C1R: variants seen among roughly 807,000 people sequenced by gnomAD.
The protein encoded by C1R is complement C1r.
A neutral mutation model predicts 27.6 loss-of-function variants in C1R; 15 were observed. The observed-to-expected ratio is 0.54, with a 90% CI of 0.36 to 0.84. The LOEUF (loss-of-function observed/expected upper bound fraction) is 0.84, where lower values mean the gene tolerates loss of function less well. Ranked by LOEUF, C1R falls within the 40% of genes least tolerant of loss-of-function variation. C1R has a pLI of 0.01. For synonymous variants in C1R, 253 were observed against 228.8 expected (o/e 1.11, Z -0.95); for missense variants, 544 against 577.9 (o/e 0.94, Z 0.60).
Position 7,091,423 on chromosome 12 carries a change from T to C in C1R, c.231+29A>G, listed in dbSNP as rs777909105. 9 of 724,870 alleles carry C rather than the reference T, an allele frequency of 1.2e-5. No homozygotes were observed. The East Asian group carries it at 2.4e-4, about 19-fold the overall frequency. The allele number at this position is 724,870 out of a possible 1,614,324, so 44.9% of individuals were successfully genotyped here. ...AGATCCCAGAGGGCCCAGTTTTGTC[T>C]CCCCTCTGCCCGCCCATCCTGCCCC... On this transcript the variant is annotated intron_variant, in intron 2 of 10. Coordinates refer to ENST00000647956, the MANE Select transcript of C1R (RefSeq NM_001733.7). This position sits in a 1 kb window ranked among gnomAD's most constrained non-coding sequence, Gnocchi z 5.1.
Position 7,081,235 on chromosome 12 carries a change from A to G in C1R, c.1415T>C (p.Met472Thr), listed in dbSNP as rs1242136397. ...QRIIGGQKAKMGNFPWQVFTN... is the reference protein window; with the variant it reads ...QRIIGGQKAKTGNFPWQVFTN... ...GAACACCTGCCAGGGGAAGTTGCCCATCTTGGCTTTTTGCCCTCCGATGAT... is the reference window on the plus strand; with the variant it reads ...GAACACCTGCCAGGGGAAGTTGCCCGTCTTGGCTTTTTGCCCTCCGATGAT... Residue 472 changes from methionine to threonine, a missense_variant, in exon 11 of 11, where the codon ATG becomes ACG. Met to Thr is a moderately conservative substitution (Grantham distance 81, BLOSUM62 -1). Around this residue, in one of 2 missense-constraint regions of C1R, gnomAD observed 253 missense variants for 368.9 expected, o/e 0.69. Transcript: ENST00000647956. 8.1e-6 allele frequency: 13 copies of G among 1,613,102 alleles called. No individual in the cohort carries two copies. The highest frequency in any genetic ancestry group is 1.1e-5 in the Non-Finnish European group (13 of 1,179,508).
intron 7 of C1R, chr12:7,086,714 T>G: frequency 6.1e-6 from 2 of 329,594 alleles, no homozygotes; most frequent in Non-Finnish European, 5.5e-6. Flanking sequence ...ATCCTCTCTC[T>G]AGACTGTGGC....
chr12:7,089,908 T>G lies in C1R; in HGVS notation c.424+148A>C, dbSNP rs1462575847. The G allele has an allele frequency of 5.7e-6, 4 of 704,084 alleles. No individual in the cohort carries two copies. The Admixed American group carries it at 8.1e-5, about 14-fold the overall frequency. 43.6% of individuals were successfully genotyped at this position (704,084 alleles called of 1,614,324 possible). ...CTGCTCCATGGGGACAGAGCCCAGGTTGACAGGCCTCGTTAGGAAAAGCTC... is the reference window on the plus strand; with the variant it reads ...CTGCTCCATGGGGACAGAGCCCAGGGTGACAGGCCTCGTTAGGAAAAGCTC... On this transcript the variant is annotated intron_variant, in intron 3 of 10. Coordinates refer to ENST00000647956, the MANE Select transcript of C1R (RefSeq NM_001733.7).
At chr12:7,090,373 A>C in intron 2 of C1R, 125 bp from the exon 3 acceptor site, 1 of 616,518 alleles carries the variant, frequency 1.6e-6, no homozygotes, top group Non-Finnish European at 2.9e-6. Context: ...CTGGCTGGTC[A>C]CTACCTGCTG....
chr12:7,081,492 T>TA (rs1425379087), intron 10 of C1R, among the ~76,000 whole-genome samples, 191 bp from the exon 11 acceptor site: 1 of 149,050 alleles, frequency 6.7e-6, no homozygotes, highest in African/African-American at 2.4e-5. Context: ...TTTTTTTTTT[T>TA]AAATTATTAT....
Position 7,080,776 on chromosome 12 carries a change from C to G in C1R, c.1874G>C (p.Arg625Pro). 1 of 1,613,942 alleles carries G rather than the reference C, an allele frequency of 6.2e-7. No individual in the cohort carries two copies. Among genetic ancestry groups the G allele is most frequent in the Non-Finnish European group, 8.5e-7 (1 of 1,179,874 alleles). The change falls in exon 11 of 11, where the codon CGG becomes CCG. Residue 625 changes from arginine to proline, a missense_variant. By Grantham distance (103) the Arg-to-Pro change is moderately radical (BLOSUM62 -2). Coordinates refer to ENST00000647956, the MANE Select transcript of C1R (RefSeq NM_001733.7). This position sits in a 1 kb window ranked among gnomAD's most constrained non-coding sequence, Gnocchi z 4.9. Reference sequence around the variant, plus strand: ...GAACACATCCATCCTATTCTTTCCCCGGAGCCAGTTCTCACAGGCCTGTGG... The same window carrying G: ...GAACACATCCATCCTATTCTTTCCCGGGAGCCAGTTCTCACAGGCCTGTGG... ...ANPQACENWL[R>P]GKNRMDVFSQ...
chr12:7,089,044 TG>T, intron 5 of C1R, 58 bp from the exon 6 acceptor site: 1 of 669,618 alleles, frequency 1.5e-6, no homozygotes. Flanking sequence ...CAGGGCCAAC[TG>T]GGTAGTAGCC....
intron 7 of C1R, chr12:7,086,732 T>C (rs900620291): frequency 2.4e-4 from 73 of 310,076 alleles, no homozygotes; most frequent in African/African-American, 1.3e-3. Flanking sequence ...GGCCTGTTCC[T>C]ACTGAGGTCC....
At chr12:7,086,241 C>T (rs1938154188) in intron 8 of C1R, 138 bp downstream of exon 8, 2 of 397,506 alleles carry the variant, frequency 5.0e-6, no homozygotes, top group South Asian at 1.4e-4. Context: ...TGAGATGGCC[C>T]ATAGGCATCA....
At chr12:7,083,240 GTGT>G (rs1439197135) in intron 9 of C1R, among the ~76,000 whole-genome samples, 10 of 151,742 alleles carry the variant, frequency 6.6e-5, no homozygotes, top group African/African-American at 2.4e-4. Flanking sequence ...GTTAATGGTG[GTGT>G]TGTTAATGGT....
chr12:7,089,217 G>A (rs1048107230), intron 5 of C1R, 76 bp downstream of exon 5: 3 of 724,494 alleles, frequency 4.1e-6, no homozygotes, highest in African/African-American at 3.4e-5. Context: ...GGGGATCCAG[G>A]AGGAAGTTGG....
In C1R at chr12:7,091,645, C is replaced by A; in HGVS notation, c.38G>T (p.Cys13Phe). ...GATGGGAATGGAGCCTCCTGCCCTG[C>A]AGAACAGGGCCGGCACCAGGAGGTA... Reference protein sequence around the residue: ...LLYLLVPALFCRAGGSIPIPQ... With the variant: ...LLYLLVPALFFRAGGSIPIPQ... The change falls in exon 2 of 11, where the codon TGC becomes TTC. Residue 13 changes from cysteine to phenylalanine, a missense_variant. Physicochemically the swap from Cys to Phe is radical, Grantham distance 205. Coordinates refer to ENST00000647956, the MANE Select transcript of C1R (RefSeq NM_001733.7). The surrounding 1 kb of genome is among the most constrained non-coding windows in gnomAD (Gnocchi z 5.1). The A allele has an allele frequency of 1.3e-6, 1 of 753,382 alleles. No individual in the cohort carries two copies. The highest frequency in any genetic ancestry group is 2.5e-5 in the East Asian group (1 of 39,892). The allele number at this position is 753,382 out of a possible 1,614,324, so 46.7% of individuals were successfully genotyped here.
chr12:7,090,729 C>T (rs1188444175), intron 2 of C1R, among the ~76,000 whole-genome samples: 1 of 152,218 alleles, frequency 6.6e-6, no homozygotes, highest in African/African-American at 2.4e-5. Flanking sequence ...CCACCCATCT[C>T]AGTGTCAGCA....
rs1456161991 is a variant in C1R at position 7,088,669 on chromosome 12, G to A, written c.979C>T (p.Gln327Ter). The change falls in exon 7 of 11, where the codon CAG becomes TAG. Residue 327 changes from glutamine to a stop codon, truncating the protein, a stop_gained. Transcript: ENST00000647956. LOFTEE classifies it high-confidence loss of function. ...EFTIIQNLQPQYQFRDYFIAT... is the reference protein window; with the variant it reads ...EFTIIQNLQP The stretch of plus-strand genomic sequence containing the variant: ...ATGAAGTAGTCACGGAACTGGTACT[G>A]AGGCTGCAGGTTCTGGATGATGGTG... The A allele has an allele frequency of 1.3e-6, 1 of 763,506 alleles. No individual in the cohort carries two copies. Among genetic ancestry groups the A allele is most frequent in the Non-Finnish European group, 2.4e-6 (1 of 409,350 alleles). 47.3% of individuals were successfully genotyped at this position (763,506 alleles called of 1,614,324 possible).
chr12:7,084,939 G>GT (rs1326735074), intron 9 of C1R, among the ~76,000 whole-genome samples: 40 of 145,586 alleles, frequency 2.7e-4, no homozygotes, highest in South Asian at 8.9e-4. Context: ...TGGTGTTAGT[G>GT]TGGTGGTGAT....
chr12:7,087,244 A>T (rs1938170629), intron 7 of C1R: 1 of 152,434 alleles, frequency 6.6e-6, no homozygotes, highest in Non-Finnish European at 1.5e-5. Flanking sequence ...GCACGCCTGT[A>T]ATTCCAGCAA....
chr12:7,080,439 G>A lies in C1R; in HGVS notation c.*93C>T. 6.8e-7 allele frequency: 1 copy of A among 1,480,992 alleles called. No individual in the cohort carries two copies. Among genetic ancestry groups the A allele is most frequent in the Non-Finnish European group, 9.0e-7 (1 of 1,117,078 alleles). The allele number at this position is 1,480,992 out of a possible 1,614,324, so 91.7% of individuals were successfully genotyped here. On this transcript the variant is annotated 3_prime_UTR_variant, in exon 11 of 11. Transcript: ENST00000647956. This position sits in a 1 kb window ranked among gnomAD's most constrained non-coding sequence, Gnocchi z 4.9. ...TCTTTCTGCATCAGTAATTTTAATA[G>A]AGACTCTTAGTGGTTATCAACAACT...
chr12:7,080,993 T>C lies in C1R; in HGVS notation c.1657A>G (p.Asn553Asp). The change falls in exon 11 of 11, where the codon AAT (asparagine) becomes GAT (aspartate). Residue 553 changes from asparagine (N) to aspartate (D), a missense_variant. Asn to Asp is a conservative substitution (Grantham distance 23). Coordinates refer to ENST00000647956, the MANE Select transcript of C1R (RefSeq NM_001733.7). The surrounding 1 kb of genome is among the most constrained non-coding windows in gnomAD (Gnocchi z 4.9). ...AGCAGGGCGATGTCCCCCTCAAAAT[T>C]GTAGGACTCATCCTGACGGTAGTCC... ...HPDYRQDESYNFEGDIALLEL... is the reference protein window; with the variant it reads ...HPDYRQDESYDFEGDIALLEL... The C allele has an allele frequency of 1.2e-6, 2 of 1,613,942 alleles. No homozygotes were observed. The highest frequency in any genetic ancestry group is 1.7e-6 in the Non-Finnish European group (2 of 1,179,874).
intron 2 of C1R, 35 bp from the exon 3 acceptor site, chr12:7,090,283 C>T: frequency 1.4e-6 from 1 of 711,002 alleles, no homozygotes; most frequent in East Asian, 2.7e-5. Flanking sequence ...GGAAGAAGAT[C>T]TGTTGCGGAG....
Sources: allele counts gnomAD v4.1 joint callset (sites outside exome capture counted in the v4.1 genomes callset), GRCh38; gene constraint gnomAD v4.1.1; regional missense constraint gnomAD v4.1.1; non-coding constraint Gnocchi (gnomAD v3.1); transcripts MANE v1.5; gene names NCBI Gene and HGNC (gene_info 2026-07-23, HGNC 2026-07-21).